Variants in LRRC4C observed in about 807,000 individuals in gnomAD.
LRRC4C encodes leucine rich repeat containing 4C.
Under a neutral mutation model 33.6 loss-of-function variants are expected in LRRC4C, and 5 were observed. The observed-to-expected ratio is 0.15, with a 90% CI of 0.08 to 0.31. The LOEUF (loss-of-function observed/expected upper bound fraction) is 0.31, where lower values mean the gene tolerates loss of function less well. Among genes scored for constraint, LRRC4C ranks in the 10% least tolerant of loss-of-function variants. The pLI, the probability that LRRC4C is intolerant of heterozygous loss-of-function variation, is 1.00. For synonymous variants in LRRC4C, 329 were observed against 302.0 expected, an observed-to-expected ratio of 1.09 and a Z score of -0.93; for missense variants, 560 against 796.7, an observed-to-expected ratio of 0.70 and a Z score of 3.58.
intron 1 of LRRC4C, among the ~76,000 whole-genome samples, chr11:41,007,256 A>C (rs2137470434): frequency 6.6e-6 from 1 of 152,296 alleles, no homozygotes; most frequent in Non-Finnish European, 1.5e-5. Flanking sequence ...GCAAAGGATA[A>C]ACAGGCAGTT....
chr11:41,174,004 G>A (rs919021095), intron 1 of LRRC4C, among the ~76,000 whole-genome samples: 1 of 152,002 alleles, frequency 6.6e-6, no homozygotes, highest in Non-Finnish European at 1.5e-5. Context: ...ATCATGATGA[G>A]TGACCATTAA....
chr11:41,147,749 C>T (rs1451930006), intron 1 of LRRC4C, among the ~76,000 whole-genome samples: 3 of 152,110 alleles, frequency 2.0e-5, no homozygotes, highest in East Asian at 3.9e-4. Context: ...TTTAATCAGA[C>T]ATTTATCAAA....
intron 3 of LRRC4C, among the ~76,000 whole-genome samples, chr11:40,333,442 C>T (rs1288682632): frequency 4.6e-5 from 7 of 151,886 alleles, no homozygotes; most frequent in South Asian, 2.1e-4. Flanking sequence ...TATGGCCTGG[C>T]GTGGTGGCTC....
chr11:40,286,063 G>A (rs779144342), intron 4 of LRRC4C, among the ~76,000 whole-genome samples: 2 of 152,138 alleles, frequency 1.3e-5, no homozygotes, highest in Non-Finnish European at 2.9e-5. Context: ...TTAACTTACA[G>A]TAGTGCCTCC....
At chr11:41,410,416 C>CT (rs1331907171) in intron 1 of LRRC4C, among the ~76,000 whole-genome samples, 4,570 of 131,562 alleles carry the variant, frequency 0.035, 88 homozygotes, top group African/African-American at 0.055. Flanking sequence ...TTTTTTTTTT[C>CT]TTTTTTTTTT....
At chr11:40,705,076 A>G (rs1487327710) in intron 2 of LRRC4C, among the ~76,000 whole-genome samples, 1 of 152,180 alleles carries the variant, frequency 6.6e-6, no homozygotes, top group Non-Finnish European at 1.5e-5. Context: ...TCCTCATTAC[A>G]ATCCAATGTG....
intron 2 of LRRC4C, among the ~76,000 whole-genome samples, chr11:40,804,114 A>G (rs112525791): frequency 1.1e-4 from 17 of 152,212 alleles, no homozygotes; most frequent in African/African-American, 3.8e-4. Flanking sequence ...AGGATCTTTT[A>G]CTAATTTTAG....
At chr11:40,388,805 C>T (rs56242639) in intron 3 of LRRC4C, among the ~76,000 whole-genome samples, 267 of 152,308 alleles carry the variant, frequency 1.8e-3, no homozygotes, top group African/African-American at 6.2e-3. Context: ...CATCAAGTCT[C>T]ATCTCTGTGT....
At chr11:40,826,701 G>A (rs1244841469) in intron 2 of LRRC4C, among the ~76,000 whole-genome samples, 1 of 151,870 alleles carries the variant, frequency 6.6e-6, no homozygotes, top group African/African-American at 2.4e-5. Context: ...GAAAACTTGA[G>A]ACACAACAGG....
chr11:40,431,137 T>TA (rs750121954), intron 3 of LRRC4C, among the ~76,000 whole-genome samples: 4,025 of 130,908 alleles, frequency 0.031, 80 homozygotes, highest in African/African-American at 0.051. Context: ...CATTGTACTT[T>TA]AAAAAAAAAA....
chr11:40,699,602 T>C (rs1945763615), intron 2 of LRRC4C, among the ~76,000 whole-genome samples: 4 of 152,210 alleles, frequency 2.6e-5, no homozygotes, highest in Admixed American at 2.6e-4. Context: ...ATTCATTTAA[T>C]GACAGCAGTA....
intron 4 of LRRC4C, among the ~76,000 whole-genome samples, chr11:40,276,624 G>A (rs1378921871): frequency 6.6e-6 from 1 of 151,526 alleles, no homozygotes; most frequent in Non-Finnish European, 1.5e-5. Context: ...AGGCCCTTCA[G>A]GAGAAGTCAT....
Position 40,478,892 on chromosome 11 carries a change from GA to G in LRRC4C, c.-269-159172del, listed in dbSNP as rs773526018. Among the ~76,000 whole-genome samples, 47 of 152,286 alleles carry G rather than the reference GA, an allele frequency of 3.1e-4. 2 individuals are homozygous for G. The East Asian group carries it at 8.3e-3, about 27-fold the overall frequency. Reference sequence around the variant, plus strand: ...TTTTTGAAATACTAATAAAGCTTTGGAAAAGTGTATGCCATTCTGCTAATGT... The same window carrying G: ...TTTTTGAAATACTAATAAAGCTTTGGAAAGTGTATGCCATTCTGCTAATGT... On this transcript the variant is annotated intron_variant, in intron 3 of 6. Coordinates refer to ENST00000528697, the MANE Select transcript of LRRC4C (RefSeq NM_001258419.2).
At chr11:40,145,635 A>G (rs936471562) in intron 5 of LRRC4C, among the ~76,000 whole-genome samples, 1 of 152,186 alleles carries the variant, frequency 6.6e-6, no homozygotes, top group African/African-American at 2.4e-5. Flanking sequence ...CTTAAAATCC[A>G]GTCATGCTGC....
chr11:41,115,954 T>TCCACAA (rs1942100453), intron 1 of LRRC4C, among the ~76,000 whole-genome samples: 1 of 152,126 alleles, frequency 6.6e-6, no homozygotes, highest in Non-Finnish European at 1.5e-5. Flanking sequence ...GTTCCAAAGG[T>TCCACAA]GAGTCCAGCT....
At chr11:41,028,797 G>T (rs190539352) in intron 1 of LRRC4C, among the ~76,000 whole-genome samples, 2 of 151,420 alleles carry the variant, frequency 1.3e-5, no homozygotes, top group Non-Finnish European at 3.0e-5. Context: ...TCCCATGGGG[G>T]CAAATATATT....
At chr11:40,714,913 C>A (rs1946635582) in intron 2 of LRRC4C, among the ~76,000 whole-genome samples, 1 of 152,078 alleles carries the variant, frequency 6.6e-6, no homozygotes, top group Non-Finnish European at 1.5e-5. Flanking sequence ...TTCCACTATA[C>A]ACAAAATTAA....
At chr11:40,679,527 T>A (rs911201184) in intron 2 of LRRC4C, among the ~76,000 whole-genome samples, 2 of 152,114 alleles carry the variant, frequency 1.3e-5, no homozygotes, top group African/African-American at 4.8e-5. Flanking sequence ...GGGCCCAGGA[T>A]CCCTCTGCTG....
At chr11:40,356,729 G>A (rs1184411754) in intron 3 of LRRC4C, among the ~76,000 whole-genome samples, 1 of 152,108 alleles carries the variant, frequency 6.6e-6, no homozygotes, top group Non-Finnish European at 1.5e-5. Flanking sequence ...TTTTTCTGTT[G>A]CCTTGGAGTT....
Sources: gnomAD v4.1 joint callset for allele counts (sites outside exome capture counted in the v4.1 genomes callset) on GRCh38, gnomAD v4.1.1 for gene constraint, MANE v1.5 for transcripts, NCBI Gene and HGNC (gene_info 2026-07-23, HGNC 2026-07-21) for gene names.